XKR5: variants seen among roughly 807,000 people sequenced by gnomAD.
XKR5 encodes the protein XK related 5, also known as XK-related protein 5.
XKR5 carries 46 observed loss-of-function variants against 40.8 expected under a neutral mutation model. That is an observed-to-expected ratio of 1.13 (90% CI 0.89 to 1.44). The LOEUF is 1.44. Among genes scored for constraint, XKR5 ranks in the 40% most tolerant of loss-of-function variants. XKR5 has a pLI of 0.00. For synonymous variants in XKR5, 466 were observed against 356.1 expected (o/e 1.31, Z -3.48); for missense variants, 1,169 against 844.7 (o/e 1.38, Z -4.76).
chr8:6,826,936 C>T (rs1804515348), intron 2 of XKR5, among the ~76,000 whole-genome samples: 2 of 152,248 alleles, frequency 1.3e-5, no homozygotes, highest in African/African-American at 4.8e-5. Flanking sequence ...TCCTCCGAGG[C>T]TCTCGGAAAA....
chr8:6,816,187 T>C (rs1803951784), intron 5 of XKR5, among the ~76,000 whole-genome samples: 1 of 152,120 alleles, frequency 6.6e-6, no homozygotes, highest in South Asian at 2.1e-4. Context: ...CTCAAATGGC[T>C]GTGGGGCTGC....
rs753262955 is a variant in XKR5, at chr8:6,825,296, C to T, written c.296G>A (p.Arg99Gln). 2.4e-5 allele frequency: 38 copies of T among 1,608,462 alleles called. No individual in the cohort carries two copies. The highest frequency in any genetic ancestry group is 4.5e-5 in the East Asian group (2 of 44,704). The part of the protein sequence containing the change: ...SLQKELEAPH[R>Q]GWLQLQEADL... ...GGCCTCCTGCAGCTGCAGCCAGCCT[C>T]GGTGGGGAGCCTCCAGTTCCTTCTG... The change falls in exon 3 of 7, where the codon CGA becomes CAA. Residue 99 changes from arginine (R) to glutamine (Q), a missense_variant. Physicochemically the swap from Arg to Gln is conservative, Grantham distance 43. Transcript: ENST00000618742.
rs774919054 is a variant in XKR5, at chr8:6,811,681, C to T, written c.1578G>A (p.Gly526=). ...CCCCTCCTCTCTGCTGCCCACCTGT[C>T]CCCTTCCCCTGTGTCCCAGAAACAG... ...ADAVSGTQGK[G]TGGQQRGGEG... is the part of the protein sequence containing the mutation. Residue 526 remains glycine, a synonymous_variant, in exon 7 of 7, where the codon GGG becomes GGA. Transcript: ENST00000618742. The T allele has an allele frequency of 9.1e-6, 14 of 1,537,616 alleles. No individual in the cohort carries two copies. The South Asian group carries it at 1.5e-4, about 17-fold the overall frequency.
Position 6,812,058 on chromosome 8 carries a change from T to C in XKR5, c.1201A>G (p.Ser401Gly). Residue 401 changes from serine to glycine, a missense_variant, in exon 7 of 7, where the codon AGT becomes GGT. Coordinates refer to ENST00000618742, the MANE Select transcript of XKR5 (RefSeq NM_207411.5). ...TTCACCCACAGCCAGTGGTGATGAC[T>C]GAGGAAAGAGTCCTCCACAGCAACC... Reference protein sequence around the residue: ...TQVAVEDSFLSHHHWLWVKLA... With the variant: ...TQVAVEDSFLGHHHWLWVKLA... 1 of 1,539,548 alleles carries C rather than the reference T, an allele frequency of 6.5e-7. No homozygotes were observed. The highest frequency in any genetic ancestry group is 2.0e-5 in the Admixed American group (1 of 51,012).
chr8:6,810,590 G>C lies in XKR5; in HGVS notation c.*608C>G, dbSNP rs1224022888. ...ATGTGCCCTTAGCATGGGTGAGGCT[G>C]AGCTAAGTGAGTCTACCCTTCCTTT... On this transcript the variant is annotated 3_prime_UTR_variant, in exon 7 of 7. Coordinates refer to ENST00000618742, the MANE Select transcript of XKR5 (RefSeq NM_207411.5). The C allele has an allele frequency of 6.6e-6, 1 of 152,294 alleles. No individual in the cohort carries two copies. Among genetic ancestry groups the C allele is most frequent in the Non-Finnish European group, 1.5e-5 (1 of 68,104 alleles). The allele number at this position is 152,294 out of a possible 1,614,324, so 9.4% of individuals were successfully genotyped here.
rs138966909 is a variant in XKR5 at position 6,822,061 on chromosome 8, C to T, written c.638-23G>A. The T allele has an allele frequency of 1.7e-4, 271 of 1,587,228 alleles. 1 individual carries two copies. The East Asian group carries it at 3.6e-3, about 21-fold the overall frequency. On this transcript the variant is annotated intron_variant, in intron 4 of 6. Coordinates refer to ENST00000618742, the MANE Select transcript of XKR5 (RefSeq NM_207411.5). ...CACCTGCAGAGAAGCCGGGTGCAGA[C>T]GTCAGGGTCCATGCAAGGAGATGGG...
intron 2 of XKR5, among the ~76,000 whole-genome samples, chr8:6,829,915 G>C (rs896877303): frequency 2.7e-4 from 34 of 124,720 alleles, no homozygotes; most frequent in Admixed American, 5.4e-4. Context: ...TCGGCTCACT[G>C]CAAGTTCCGC....
In XKR5 at chr8:6,811,200, A is replaced by G; in HGVS notation, c.2059T>C (p.Ter687ArgextTer11). The change falls in exon 7 of 7, where the codon TGA (stop) becomes CGA (arginine). Residue 687 changes from the stop codon to arginine, a stop_lost. Transcript: ENST00000618742. Reference protein sequence around the residue: ...QMKQEPSFFI* With the variant: ...QMKQEPSFFIR The stretch of plus-strand genomic sequence containing the variant: ...GTCTTATCCCACCATGACTGTGGTC[A>G]GATGAAAAAACTCGGCTCTTGCTTC... 1 of 1,534,094 alleles carries G rather than the reference A, an allele frequency of 6.5e-7. No individual in the cohort carries two copies. The highest frequency in any genetic ancestry group is 1.4e-5 in the African/African-American group (1 of 73,120).
rs1033277738 is a variant in XKR5 at position 6,832,777 on chromosome 8, C to A, written c.182G>T (p.Gly61Val). The A allele has an allele frequency of 6.2e-7, 1 of 1,613,338 alleles. No individual in the cohort carries two copies. Among genetic ancestry groups the A allele is most frequent in the Non-Finnish European group, 8.5e-7 (1 of 1,179,666 alleles). ...CATCAAGGAGCAATGCCCTGGATGCCCGTCTGCTCGGAACCACAGGTAGCT... is the reference window on the plus strand; with the variant it reads ...CATCAAGGAGCAATGCCCTGGATGCACGTCTGCTCGGAACCACAGGTAGCT... ...ALSYLWFRAD[G>V]HPGHCSLMML... The change falls in exon 2 of 7, where the codon GGG becomes GTG. Residue 61 changes from glycine (G) to valine (V), a missense_variant. By Grantham distance (109) the Gly-to-Val change is moderately radical. Coordinates refer to ENST00000618742, the MANE Select transcript of XKR5 (RefSeq NM_207411.5).
chr8:6,812,621 C>T (rs187637477), intron 6 of XKR5, among the ~76,000 whole-genome samples: 10 of 151,902 alleles, frequency 6.6e-5, no homozygotes, highest in Non-Finnish European at 1.5e-4. Flanking sequence ...CAGTCATCTA[C>T]GTGTGTGTGT....
rs146513415 is a variant in XKR5 at position 6,810,023 on chromosome 8, G to T, written c.*1175C>A. 1 of 152,240 alleles carries T rather than the reference G, an allele frequency of 6.6e-6. No homozygotes were observed. Among genetic ancestry groups the T allele is most frequent in the Non-Finnish European group, 1.5e-5 (1 of 68,094 alleles). 9.4% of individuals were successfully genotyped at this position (152,240 alleles called of 1,614,324 possible). ...AGCTACTCGAGAGGCTGAGGTGAGA[G>T]GATTGCTTAAGCCCTGGAGGTTGAG... On this transcript the variant is annotated 3_prime_UTR_variant, in exon 7 of 7. Transcript: ENST00000618742.
chr8:6,815,759 A>T, intron 6 of XKR5, 48 bp downstream of exon 6: 1 of 1,373,602 alleles, frequency 7.3e-7, no homozygotes, highest in Non-Finnish European at 1.0e-6. Flanking sequence ...AAAAAAAAAA[A>T]ATACGTTGGG....
rs768527814 is a variant in XKR5, at chr8:6,832,837, G to A, written c.122C>T (p.Ala41Val). ...GRLLWGWLAL[A>V]VLLPGFLVQA... ...GACCAAGAACCCGGGCAGGAGGACA[G>A]CAAGGGCCAGCCACCCCCACAGAAG... is the stretch of plus-strand genomic sequence containing the variant. The change falls in exon 2 of 7, where the codon GCT becomes GTT. Residue 41 changes from alanine to valine, a missense_variant. By Grantham distance (64) the Ala-to-Val change is moderately conservative. Transcript: ENST00000618742. 33 of 1,611,624 alleles carry A rather than the reference G, an allele frequency of 2.0e-5. No homozygotes were observed. The highest frequency in any genetic ancestry group is 2.8e-5 in the Non-Finnish European group (33 of 1,179,044).
chr8:6,812,473 GC>G (rs1803777074), intron 6 of XKR5, 134 bp from the exon 7 acceptor site: 1 of 873,468 alleles, frequency 1.1e-6, no homozygotes, highest in East Asian at 2.7e-5. Context: ...TCTTGTTGGA[GC>G]CTCAGAACTG....
At chr8:6,834,083 A>T (rs1167770540) in intron 1 of XKR5, among the ~76,000 whole-genome samples, 1 of 151,858 alleles carries the variant, frequency 6.6e-6, no homozygotes, top group Non-Finnish European at 1.5e-5. Flanking sequence ...TCACATGGGG[A>T]ACTCCCTGGC....
In XKR5 at chr8:6,811,774, C is replaced by T; in HGVS notation, c.1485G>A (p.Gln495=). ...CTGGGTTCTGGGTAGGTGCTTCATC[C>T]TGCTGATCGCTGGCAAAAGATACGT... is the stretch of plus-strand genomic sequence containing the variant. ...SSYVSFASDQ[Q]DEAPTQNPAA... The change falls in exon 7 of 7, where the codon CAG becomes CAA. Residue 495 remains glutamine, a synonymous_variant. Transcript: ENST00000618742. The T allele has an allele frequency of 1.3e-6, 2 of 1,537,642 alleles. No individual in the cohort carries two copies. Among genetic ancestry groups the T allele is most frequent in the South Asian group, 1.2e-5 (1 of 84,064 alleles).
In XKR5 at chr8:6,811,978, G is replaced by A. The variant is rs1803728440; in HGVS notation, c.1281C>T (p.Asn427=). The A allele has an allele frequency of 2.0e-6, 3 of 1,537,192 alleles. No homozygotes were observed. Among genetic ancestry groups the A allele is most frequent in the African/African-American group, 1.4e-5 (1 of 73,060 alleles). The change falls in exon 7 of 7, where the codon AAC becomes AAT. Residue 427 remains asparagine (N), a synonymous_variant. Transcript: ENST00000618742. ...VSKINAAFGD[N]SPAYCPPAWG... The stretch of plus-strand genomic sequence containing the variant: ...ATGCAGGTGGACAATAGGCAGGACT[G>A]TTATCTCCAAAGGCGGCATTGATCT...
rs750759562 is a variant in XKR5, at chr8:6,809,181, G to A, written c.*2017C>T. ...AGGACAAATGGGGAGGGCTGGTGAG[G>A]ACTCAGGGAAGTGCTCATGCTCTCA... is the stretch of plus-strand genomic sequence containing the variant. On this transcript the variant is annotated 3_prime_UTR_variant, in exon 7 of 7. Transcript: ENST00000618742. The A allele has an allele frequency of 3.3e-5, 5 of 152,386 alleles. No individual in the cohort carries two copies. Among genetic ancestry groups the A allele is most frequent in the South Asian group, 2.1e-4 (1 of 4,834 alleles). The allele number at this position is 152,386 out of a possible 1,614,324, so 9.4% of individuals were successfully genotyped here. A position where few individuals can be genotyped will look rare whatever the true frequency, so the allele number is the denominator to read the frequency against.
rs764798973 is a variant in XKR5 at position 6,811,482 on chromosome 8, C to G, written c.1777G>C (p.Asp593His). 1 of 1,527,224 alleles carries G rather than the reference C, an allele frequency of 6.5e-7. No homozygotes were observed. Among genetic ancestry groups the G allele is most frequent in the Admixed American group, 2.0e-5 (1 of 50,436 alleles). 94.6% of individuals were successfully genotyped at this position (1,527,224 alleles called of 1,614,324 possible). ...ATGGGGCTAATGTCGGCCATGGTGT[C>G]GGGGAAGGGCGCCAAGCCCACTGGG... ...PHPVGLAPFP[D>H]TMADISPILG... is the part of the protein sequence containing the mutation. Residue 593 changes from aspartate (D) to histidine (H), a missense_variant, in exon 7 of 7, where the codon GAC becomes CAC. Coordinates refer to ENST00000618742, the MANE Select transcript of XKR5 (RefSeq NM_207411.5).
Sources: allele counts gnomAD v4.1 joint callset (sites outside exome capture counted in the v4.1 genomes callset), GRCh38; gene constraint gnomAD v4.1.1; transcripts MANE v1.5; gene names NCBI Gene and HGNC (gene_info 2026-07-23, HGNC 2026-07-21).